The following MAST2 variants were observed in gnomAD, a reference collection of about 807,000 sequenced individuals.
MAST2 encodes the protein microtubule-associated serine/threonine-protein kinase 2.
A neutral mutation model predicts 147.4 loss-of-function variants in MAST2; 70 were observed. The observed-to-expected ratio is 0.47, with a 90% CI of 0.39 to 0.58. MAST2 has a LOEUF of 0.58. Among genes scored for constraint, MAST2 ranks in the 20% least tolerant of loss-of-function variants. The probability of loss-of-function intolerance (pLI) is 0.00; values close to 1 mark genes in which losing one functional copy is unlikely to be tolerated. For missense variants in MAST2, 2,080 were observed against 2,302.3 expected (o/e 0.90, Z 1.98); for synonymous variants, 869 against 896.8 (o/e 0.97, Z 0.55).
intron 4 of MAST2, among the ~76,000 whole-genome samples, chr1:45,952,242 A>G (rs1455464652): frequency 6.6e-6 from 1 of 152,230 alleles, no homozygotes; most frequent in Non-Finnish European, 1.5e-5. Context: ...CACAACATGC[A>G]TGAAAACATG....
chr1:45,809,408 T>C (rs1361941447), intron 1 of MAST2, among the ~76,000 whole-genome samples: 1 of 151,986 alleles, frequency 6.6e-6, no homozygotes, highest in East Asian at 1.9e-4. Context: ...CTTTGGGAGG[T>C]TGAGCAGGCG....
At chr1:45,860,201 T>TACACACACACACAC (rs777498021) in intron 3 of MAST2, among the ~76,000 whole-genome samples, 7 of 144,034 alleles carry the variant, frequency 4.9e-5, no homozygotes, top group Admixed American at 1.4e-4. Flanking sequence ...CTACTAAAAA[T>TACACACACACACAC]ACACACACAC....
Position 45,824,514 on chromosome 1 carries a change from CTT to C in MAST2, c.260_261del (p.Leu87ProfsTer8). 1 of 1,612,112 alleles carries C rather than the reference CTT, an allele frequency of 6.2e-7. No homozygotes were observed. The highest frequency in any genetic ancestry group is 8.5e-7 in the Non-Finnish European group (1 of 1,178,814). On this transcript the variant is annotated frameshift_variant, in exon 2 of 29. Transcript: ENST00000361297. LOFTEE classifies it high-confidence loss of function. Reference protein sequence around the residue: ...DIFSSTGKVKLQRQLSQDDCK... With the variant: ...DIFSSTGKVKXQRQLSQDDCK... ...ATTTTCATCCACTGGAAAAGTTAAA[CTT>C]CAGCGACAACTGAGTCAGGATGATT... is the stretch of plus-strand genomic sequence containing the variant.
chr1:45,930,947 C>A (rs902797680), intron 4 of MAST2, among the ~76,000 whole-genome samples: 7 of 152,214 alleles, frequency 4.6e-5, no homozygotes, highest in Non-Finnish European at 4.4e-5. Context: ...CTTGTCCTAA[C>A]CCATACTGAA....
At chr1:46,018,520 G>A (rs367997631) in intron 10 of MAST2, among the ~76,000 whole-genome samples, 1 of 152,186 alleles carries the variant, frequency 6.6e-6, no homozygotes, top group African/African-American at 2.4e-5. Context: ...CAGGCCTTAA[G>A]AAGGAACCAG....
At chr1:45,918,542 AT>A (rs1652929034) in intron 4 of MAST2, among the ~76,000 whole-genome samples, 1 of 152,126 alleles carries the variant, frequency 6.6e-6, no homozygotes, top group African/African-American at 2.4e-5. Context: ...GGTTTAAGTG[AT>A]TCTTCTGCCT....
intron 5 of MAST2, among the ~76,000 whole-genome samples, chr1:45,970,592 C>G (rs940071638): frequency 6.8e-6 from 1 of 147,048 alleles, no homozygotes; most frequent in African/African-American, 2.5e-5. Flanking sequence ...GGCTTGAACC[C>G]AGGAGGCAGA....
intron 4 of MAST2, among the ~76,000 whole-genome samples, chr1:45,906,132 G>C (rs1041751244): frequency 2.0e-4 from 30 of 152,190 alleles, no homozygotes; most frequent in Admixed American, 7.2e-4. Context: ...TTGAAAAAAA[G>C]AATAAAAAAT....
chr1:45,805,859 C>G (rs1268289132), intron 1 of MAST2, among the ~76,000 whole-genome samples: 1 of 152,180 alleles, frequency 6.6e-6, no homozygotes, highest in African/African-American at 2.4e-5. Flanking sequence ...GTAACCTACC[C>G]AAACTACTTT....
chr1:45,921,643 C>A (rs1265953073), intron 4 of MAST2, among the ~76,000 whole-genome samples: 1 of 152,186 alleles, frequency 6.6e-6, no homozygotes, highest in Non-Finnish European at 1.5e-5. Context: ...GCCACGCAAG[C>A]AACTTCCACA....
intron 4 of MAST2, among the ~76,000 whole-genome samples, chr1:45,942,688 A>G (rs995859327): frequency 4.6e-5 from 7 of 152,166 alleles, no homozygotes; most frequent in African/African-American, 1.4e-4. Flanking sequence ...TGACTAGGAA[A>G]TGTTTGGTAA....
In MAST2 at chr1:45,824,459, G is replaced by C; in HGVS notation, c.204G>C (p.Leu68=). 1 of 1,609,934 alleles carries C rather than the reference G, an allele frequency of 6.2e-7. No individual in the cohort carries two copies. Among genetic ancestry groups the C allele is most frequent in the Non-Finnish European group, 8.5e-7 (1 of 1,177,536 alleles). The part of the protein sequence containing the change: ...EQDVVTGVSP[L]LFRKLSNPDI... ...ATGTAGTAACTGGAGTTAGTCCCCT[G>C]CTCTTCAGGAAACTCAGTAATCCTG... Residue 68 remains leucine, a synonymous_variant, in exon 2 of 29, where the codon CTG becomes CTC. Transcript: ENST00000361297.
intron 4 of MAST2, chr1:45,917,542 A>G (rs745945310): frequency 2.9e-6 from 4 of 1,366,198 alleles, no homozygotes; most frequent in Middle Eastern, 2.1e-4. Flanking sequence ...AGGTAAGGAA[A>G]CTTGCTGTGA....
intron 5 of MAST2, among the ~76,000 whole-genome samples, chr1:45,963,391 A>G (rs532368457): frequency 6.6e-6 from 1 of 152,310 alleles, no homozygotes; most frequent in South Asian, 2.1e-4. Context: ...TCTTCTATCC[A>G]TGAGCATGGA....
At chr1:45,915,858 CAAGT>C (rs1466630538) in intron 4 of MAST2, among the ~76,000 whole-genome samples, 8 of 152,184 alleles carry the variant, frequency 5.3e-5, no homozygotes, top group African/African-American at 1.9e-4. Flanking sequence ...TTCAGGTTAA[CAAGT>C]AAGTGCTGTC....
intron 5 of MAST2, among the ~76,000 whole-genome samples, chr1:45,981,556 C>T (rs113731025): frequency 2.0e-5 from 3 of 152,110 alleles, no homozygotes; most frequent in East Asian, 3.9e-4. Flanking sequence ...TCAGTTTTAC[C>T]GAAGTGGTCT....
intron 5 of MAST2, among the ~76,000 whole-genome samples, chr1:45,996,219 A>G (rs1645051756): frequency 6.6e-6 from 1 of 151,756 alleles, no homozygotes; most frequent in African/African-American, 2.4e-5. Context: ...TGGTCATTGT[A>G]GGATGCTCAT....
intron 3 of MAST2, among the ~76,000 whole-genome samples, chr1:45,881,119 T>C (rs909023438): frequency 2.0e-5 from 3 of 152,202 alleles, no homozygotes; most frequent in Non-Finnish European, 4.4e-5. Flanking sequence ...ACTTTATGAC[T>C]CAGTAGTTCA....
chr1:45,880,313 G>A (rs1646787755), intron 3 of MAST2, among the ~76,000 whole-genome samples: 1 of 152,156 alleles, frequency 6.6e-6, no homozygotes, highest in East Asian at 1.9e-4. Context: ...GTTTATATTT[G>A]TATGGTTCCA....
Sources: gnomAD v4.1 joint callset for allele counts (sites outside exome capture counted in the v4.1 genomes callset) on GRCh38, gnomAD v4.1.1 for gene constraint, MANE v1.5 for transcripts, NCBI Gene and HGNC (gene_info 2026-07-23, HGNC 2026-07-21) for gene names.